Variants in SEMA6D observed in about 807,000 individuals in gnomAD.
The protein encoded by SEMA6D is semaphorin-6D.
A neutral mutation model predicts 106.6 loss-of-function variants in SEMA6D; 35 were observed. The observed-to-expected ratio is 0.33, with a 90% CI of 0.25 to 0.44. The LOEUF (loss-of-function observed/expected upper bound fraction) is 0.44. SEMA6D is among the 20% of genes least tolerant of loss of function. The probability of loss-of-function intolerance (pLI) is 1.00; values close to 1 mark genes in which losing one functional copy is unlikely to be tolerated. For missense variants in SEMA6D, 1,185 were observed against 1,345.9 expected, an observed-to-expected ratio of 0.88 and a Z score of 1.87; for synonymous variants, 499 against 487.7, an observed-to-expected ratio of 1.02 and a Z score of -0.31.
Position 47,294,530 on chromosome 15 carries a change from C to G in SEMA6D, c.-239+110112C>G, listed in dbSNP as rs569538482. Among the ~76,000 whole-genome samples the G allele has an allele frequency of 3.3e-5, 5 of 152,242 alleles. No individual in the cohort carries two copies. In the South Asian group the frequency reaches 1.0e-3, roughly 32 times the overall value. ...AGCCACGGTGCCCAGCCTTTAATCT[C>G]TTTCTCAAACCTAAGAAATAAAATT... On this transcript the variant is annotated intron_variant, in intron 1 of 19. Transcript: ENST00000558014.
chr15:47,629,671 C>T (rs907238258), intron 4 of SEMA6D, among the ~76,000 whole-genome samples: 4 of 151,790 alleles, frequency 2.6e-5, no homozygotes, highest in South Asian at 2.1e-4. Context: ...CATTACAACT[C>T]GCTTCTTTTA....
chr15:47,425,725 C>A (rs563375423), intron 2 of SEMA6D, among the ~76,000 whole-genome samples: 1 of 147,732 alleles, frequency 6.8e-6, no homozygotes, highest in African/African-American at 2.5e-5. Flanking sequence ...GGCTGGAGTG[C>A]GGTGGCATGA....
At chr15:47,484,008 AT>A (rs1261576943) in intron 3 of SEMA6D, among the ~76,000 whole-genome samples, 1 of 152,118 alleles carries the variant, frequency 6.6e-6, no homozygotes, top group Non-Finnish European at 1.5e-5. Flanking sequence ...AGAGCACTTC[AT>A]GTTGAACCTT....
intron 4 of SEMA6D, among the ~76,000 whole-genome samples, chr15:47,644,100 T>G (rs1262997032): frequency 6.6e-6 from 1 of 152,214 alleles, no homozygotes; most frequent in Non-Finnish European, 1.5e-5. Context: ...CTCATCTTAG[T>G]CTTTTCTGTC....
rs781605426 is a variant in SEMA6D at position 47,767,060 on chromosome 15, C to T, written c.1732C>T (p.Pro578Ser). The part of the protein sequence containing the change: ...CHEILPTSTT[P>S]DYKIFGGPTS... ...AGAAATTTTGCCTACTTCAACTACA[C>T]CAGATTACAAAATATTTGGCGGTCC... Residue 578 changes from proline (P) to serine (S), a missense_variant, in exon 17 of 19, where the codon CCA becomes TCA. This residue lies in a region of SEMA6D where 750 missense variants were observed against 783.5 expected (regional missense o/e 0.96). Transcript: ENST00000536845. 1.1e-5 allele frequency: 18 copies of T among 1,570,220 alleles called. No homozygotes were observed. The African/African-American group carries it at 2.2e-4, about 19-fold the overall frequency.
At chr15:47,429,014 T>TGAAG (rs1047039098) in intron 2 of SEMA6D, among the ~76,000 whole-genome samples, 5 of 145,240 alleles carry the variant, frequency 3.4e-5, no homozygotes, top group African/African-American at 1.0e-4. Flanking sequence ...GAGGAAGGAA[T>TGAAG]GAAGGAAGGA....
chr15:47,691,773 T>C (rs7164598), intron 4 of SEMA6D, among the ~76,000 whole-genome samples: 3,008 of 151,834 alleles, frequency 0.02, 111 homozygotes, highest in African/African-American at 0.07. Context: ...CTATATTGAG[T>C]GCCCACCATA....
At chr15:47,202,138 C>G (rs998024129) in intron 1 of SEMA6D, among the ~76,000 whole-genome samples, 7 of 151,950 alleles carry the variant, frequency 4.6e-5, no homozygotes, top group African/African-American at 1.7e-4. Context: ...CAGTAGGTAG[C>G]TAATCAGGAA....
intron 1 of SEMA6D, among the ~76,000 whole-genome samples, chr15:47,200,239 C>G (rs1287243095): frequency 6.6e-6 from 1 of 152,126 alleles, no homozygotes; most frequent in Non-Finnish European, 1.5e-5. Context: ...CTTGCTTCCT[C>G]AATCTGTGAG....
At chr15:47,454,319 G>A (rs934964463) in intron 2 of SEMA6D, among the ~76,000 whole-genome samples, 3 of 151,874 alleles carry the variant, frequency 2.0e-5, no homozygotes, top group African/African-American at 4.8e-5. Context: ...AATTTCCAAG[G>A]CAATTTTACA....
At chr15:47,586,773 C>T (rs772865442) in intron 3 of SEMA6D, among the ~76,000 whole-genome samples, 4 of 152,016 alleles carry the variant, frequency 2.6e-5, no homozygotes, top group Non-Finnish European at 4.4e-5. Flanking sequence ...ACAAGTTCCA[C>T]CCCCCACCCC....
chr15:47,248,359 T>C (rs1466156819), intron 1 of SEMA6D, among the ~76,000 whole-genome samples: 1 of 152,070 alleles, frequency 6.6e-6, no homozygotes, highest in Non-Finnish European at 1.5e-5. Context: ...AAGAAAACAC[T>C]CAAAAGTAAT....
At chr15:47,721,611 G>C (rs1226678667) in intron 1 of SEMA6D, among the ~76,000 whole-genome samples, 1 of 152,176 alleles carries the variant, frequency 6.6e-6, no homozygotes, top group Non-Finnish European at 1.5e-5. Flanking sequence ...CCTCACACCT[G>C]ACAACACTGG....
chr15:47,630,543 G>A (rs1237009711), intron 4 of SEMA6D, among the ~76,000 whole-genome samples: 1 of 151,532 alleles, frequency 6.6e-6, no homozygotes, highest in Non-Finnish European at 1.5e-5. Flanking sequence ...TCTGTAAATA[G>A]GGACAGTGTT....
intron 3 of SEMA6D, among the ~76,000 whole-genome samples, chr15:47,498,666 C>T (rs148005523): frequency 5.3e-5 from 8 of 152,122 alleles, no homozygotes; most frequent in Admixed American, 2.0e-4. Context: ...TATCAAGGAC[C>T]GATTCAAAAT....
At chr15:47,757,601 G>C (rs1162904967) in intron 1 of SEMA6D, among the ~76,000 whole-genome samples, 1 of 152,128 alleles carries the variant, frequency 6.6e-6, no homozygotes, top group African/African-American at 2.4e-5. Flanking sequence ...TAGGATAGTA[G>C]GATTGTTGGT....
Position 47,406,281 on chromosome 15 carries a change from A to G in SEMA6D, c.-238-6112A>G, listed in dbSNP as rs575676235. 1.7e-3 allele frequency among the ~76,000 whole-genome samples: 259 copies of G among 152,304 alleles called. 1 individual carries two copies. Among genetic ancestry groups the G allele is most frequent in the Non-Finnish European group, 3.0e-3 (206 of 68,024 alleles). On this transcript the variant is annotated intron_variant, in intron 1 of 19. Transcript: ENST00000558014. ...AATCAGGGACCTAGATGACTCTGAC[A>G]TGGATAATGTTGCCTGAAGAATTTG...
chr15:47,396,073 A>G (rs1042724798), intron 1 of SEMA6D, among the ~76,000 whole-genome samples: 2 of 152,112 alleles, frequency 1.3e-5, no homozygotes, highest in Admixed American at 6.5e-5. Flanking sequence ...TTTGTCTCCC[A>G]TGTGAGGACA....
chr15:47,649,109 T>G (rs994490768), intron 4 of SEMA6D, among the ~76,000 whole-genome samples: 2 of 152,170 alleles, frequency 1.3e-5, no homozygotes, highest in Non-Finnish European at 2.9e-5. Context: ...AGAACCCATT[T>G]AAGGTCCTTC....
Sources: gnomAD v4.1 joint callset for allele counts (sites outside exome capture counted in the v4.1 genomes callset) on GRCh38, gnomAD v4.1.1 for gene constraint, gnomAD v4.1.1 regional missense constraint, MANE v1.5 for transcripts, NCBI Gene and HGNC (gene_info 2026-07-23, HGNC 2026-07-21) for gene names.